RFX3: variants seen among roughly 807,000 people sequenced by gnomAD.
RFX3 encodes the protein transcription factor RFX3.
In RFX3, 14 loss-of-function variants were observed where a neutral mutation model predicts 98.6. The observed-to-expected ratio is 0.14, with a 90% CI of 0.09 to 0.22. RFX3 has a LOEUF of 0.22. Ranked by LOEUF, RFX3 falls within the 10% of genes least tolerant of loss-of-function variation. RFX3 has a pLI of 1.00. For missense variants in RFX3, 639 were observed against 926.9 expected (o/e 0.69, Z 4.03); for synonymous variants, 383 against 328.4 (o/e 1.17, Z -1.80).
chr9:3,257,770 G>A (rs545684888), intron 13 of RFX3, among the ~76,000 whole-genome samples: 3 of 152,162 alleles, frequency 2.0e-5, no homozygotes, highest in Non-Finnish European at 4.4e-5. Flanking sequence ...AATCTCAAGG[G>A]CTATCAAGGC....
intron 14 of RFX3, among the ~76,000 whole-genome samples, chr9:3,248,826 G>C (rs920742435): frequency 6.6e-6 from 1 of 152,020 alleles, no homozygotes; most frequent in East Asian, 1.9e-4. Flanking sequence ...AATCAATTAA[G>C]AAATGCGTTA....
chr9:3,446,572 G>A (rs1218013146), intron 1 of RFX3, among the ~76,000 whole-genome samples: 1 of 151,440 alleles, frequency 6.6e-6, no homozygotes, highest in Non-Finnish European at 1.5e-5. Flanking sequence ...ACCTTGTTTA[G>A]TGCACTCCTT....
intron 4 of RFX3, among the ~76,000 whole-genome samples, chr9:3,327,504 A>C (rs1046914452): frequency 1.3e-5 from 2 of 152,130 alleles, no homozygotes; most frequent in African/African-American, 4.8e-5. Flanking sequence ...CGCACTATCA[A>C]TCAATATGGG....
At chr9:3,424,834 G>C (rs1411430845) in intron 1 of RFX3, among the ~76,000 whole-genome samples, 1 of 152,100 alleles carries the variant, frequency 6.6e-6, no homozygotes, top group Non-Finnish European at 1.5e-5. Context: ...CACATCCTGA[G>C]ATTTTCTCAC....
chr9:3,522,299 T>A (rs565293887), intron 1 of RFX3, among the ~76,000 whole-genome samples: 1 of 152,216 alleles, frequency 6.6e-6, no homozygotes, highest in African/African-American at 2.4e-5. Context: ...ATTTAAAACA[T>A]ACTTTGTCAT....
At chr9:3,349,444 T>C (rs948633387) in intron 2 of RFX3, among the ~76,000 whole-genome samples, 10 of 152,110 alleles carry the variant, frequency 6.6e-5, no homozygotes, top group Admixed American at 6.6e-4. Context: ...GGATTTGCTG[T>C]ATTTAATTTT....
rs749312581 is a variant in RFX3, at chr9:3,288,191, C to T, written c.791G>A (p.Arg264His). 34 of 1,611,798 alleles carry T rather than the reference C, an allele frequency of 2.1e-5. No homozygotes were observed. The highest frequency in any genetic ancestry group is 2.8e-5 in the Non-Finnish European group (33 of 1,178,252). Reference sequence around the variant, plus strand: ...CATATACTGCATGTCTTCTTGCAGACGATTAAGAGGGGAATCTGGCTTGAC... The same window carrying T: ...CATATACTGCATGTCTTCTTGCAGATGATTAAGAGGGGAATCTGGCTTGAC... ...IRVKPDSPLNRLQEDMQYMAM... is the reference protein window; with the variant it reads ...IRVKPDSPLNHLQEDMQYMAM... The change falls in exon 7 of 17, where the codon CGT (arginine) becomes CAT (histidine). Residue 264 changes from arginine (R) to histidine (H), a missense_variant. Arg to His is a conservative substitution (Grantham distance 29). Around this residue, in one of 9 missense-constraint regions of RFX3, gnomAD observed 86 missense variants for 113.2 expected, o/e 0.76. Transcript: ENST00000617270.
At chr9:3,494,042 G>C (rs965207464) in intron 1 of RFX3, among the ~76,000 whole-genome samples, 1 of 151,960 alleles carries the variant, frequency 6.6e-6, no homozygotes, top group African/African-American at 2.4e-5. Context: ...TCTCAAAGCA[G>C]TCAACAAGTA....
chr9:3,439,754 G>A (rs1564103036), intron 1 of RFX3, among the ~76,000 whole-genome samples: 1 of 151,822 alleles, frequency 6.6e-6, no homozygotes, highest in Admixed American at 6.6e-5. Context: ...CACTGCAGAG[G>A]AGAGAATACT....
chr9:3,296,551 G>GCATATA (rs760181975), intron 5 of RFX3, among the ~76,000 whole-genome samples: 6 of 151,778 alleles, frequency 4.0e-5, no homozygotes, highest in Admixed American at 6.6e-5. Flanking sequence ...ATGTATATAT[G>GCATATA]CATATACATA....
intron 4 of RFX3, among the ~76,000 whole-genome samples, chr9:3,302,073 C>A (rs1356928171): frequency 6.6e-6 from 1 of 151,748 alleles, no homozygotes; most frequent in Admixed American, 6.6e-5. Flanking sequence ...TATTTTAATG[C>A]AAATGAACAA....
intron 3 of RFX3, among the ~76,000 whole-genome samples, chr9:3,338,689 T>C (rs569538933): frequency 1.1e-4 from 17 of 152,304 alleles, no homozygotes; most frequent in Middle Eastern, 3.4e-3. Flanking sequence ...TCTCAGTTGA[T>C]GTGAATGCTG....
At chr9:3,287,039 A>AT (rs1032173672) in intron 7 of RFX3, among the ~76,000 whole-genome samples, 2 of 151,632 alleles carry the variant, frequency 1.3e-5, no homozygotes, top group Non-Finnish European at 2.9e-5. Context: ...ACTGTATTCC[A>AT]TTTTTTTTCC....
intron 1 of RFX3, among the ~76,000 whole-genome samples, chr9:3,522,543 A>T (rs1417604016): frequency 6.9e-6 from 1 of 145,872 alleles, no homozygotes; most frequent in Non-Finnish European, 1.5e-5. Context: ...ACTGTTCTGG[A>T]AAAGTGTGTG....
At chr9:3,247,843 A>G (rs373757953) in intron 15 of RFX3, 189 bp downstream of exon 15, 77 of 1,605,296 alleles carry the variant, frequency 4.8e-5, no homozygotes, top group Non-Finnish European at 6.1e-5. Flanking sequence ...CAATTTTAGA[A>G]TCTTTTGATT....
chr9:3,354,562 AC>A (rs1835525086), intron 2 of RFX3, among the ~76,000 whole-genome samples: 2 of 152,030 alleles, frequency 1.3e-5, no homozygotes, highest in South Asian at 4.1e-4. Flanking sequence ...GACAAAAAAA[AC>A]AGCTTTAAAG....
rs1586847668 is a variant in RFX3 at position 3,277,388 on chromosome 9, C to T, written c.925G>A (p.Val309Ile). 13 of 1,612,878 alleles carry T rather than the reference C, an allele frequency of 8.1e-6. No individual in the cohort carries two copies. Among genetic ancestry groups the T allele is most frequent in the Middle Eastern group, 1.7e-4 (1 of 6,056 alleles). ...CTTTGGGCAATTACAGTTTGCTCAA[C>T]AGATGTGCCTGTCTGTTGACCACTT... ...TGSGQQTGTS[V>I]EQTVIAQSQH... The change falls in exon 8 of 17, where the codon GTT becomes ATT. Residue 309 changes from valine (V) to isoleucine (I), a missense_variant. Physicochemically the swap from Val to Ile is conservative, Grantham distance 29. Transcript: ENST00000617270.
At chr9:3,324,441 T>C (rs929956320) in intron 4 of RFX3, among the ~76,000 whole-genome samples, 2 of 152,124 alleles carry the variant, frequency 1.3e-5, no homozygotes, top group Non-Finnish European at 2.9e-5. Context: ...TCTGGTAAGA[T>C]AGATGGGCAA....
Position 3,262,941 on chromosome 9 carries a change from A to G in RFX3, c.1599T>C (p.Asn533=), listed in dbSNP as rs748117370. 21 of 1,613,492 alleles carry G rather than the reference A, an allele frequency of 1.3e-5. No individual in the cohort carries two copies. Among genetic ancestry groups the G allele is most frequent in the Middle Eastern group, 1.7e-4 (1 of 6,052 alleles). ...LSDLNRVDFA[N]VQEQASWVCQ... The stretch of plus-strand genomic sequence containing the variant: ...TTGCAAGGAAATAGAATACCTGGAC[A>G]TTGGCAAAGTCGACACGGTTGAGGT... Residue 533 remains asparagine, a synonymous_variant, in exon 13 of 17, where the codon AAT becomes AAC. Transcript: ENST00000617270.
Sources: allele counts gnomAD v4.1 joint callset (sites outside exome capture counted in the v4.1 genomes callset), GRCh38; gene constraint gnomAD v4.1.1; regional missense constraint gnomAD v4.1.1; transcripts MANE v1.5; gene names NCBI Gene and HGNC (gene_info 2026-07-23, HGNC 2026-07-21).